The following ADGRL3 variants were observed in gnomAD, a reference collection of about 807,000 sequenced individuals.
ADGRL3 encodes calcium-independent alpha-latrotoxin receptor 3.
In ADGRL3, 62 loss-of-function variants were observed where a neutral mutation model predicts 153.5. The ratio of observed to expected loss-of-function variants is 0.40; its 90% CI spans 0.33 to 0.50. ADGRL3 has a LOEUF of 0.50. Among genes scored for constraint, ADGRL3 ranks in the 20% least tolerant of loss-of-function variants. The pLI is 0.47. For synonymous variants in ADGRL3, 710 were observed against 672.5 expected (o/e 1.06, Z -0.86); for missense variants, 1,641 against 1,859.4 (o/e 0.88, Z 2.16).
intron 2 of ADGRL3, among the ~76,000 whole-genome samples, chr4:61,493,442 C>T (rs1207514393): frequency 6.6e-6 from 1 of 152,140 alleles, no homozygotes; most frequent in Non-Finnish European, 1.5e-5. Context: ...AATGTACTTC[C>T]TTATTCTTTC....
intron 4 of ADGRL3, among the ~76,000 whole-genome samples, chr4:61,525,912 T>C (rs2098555990): frequency 6.6e-6 from 1 of 152,118 alleles, no homozygotes; most frequent in Non-Finnish European, 1.5e-5. Flanking sequence ...TGTGAATCTT[T>C]GTCAAGAGAA....
In ADGRL3 at chr4:61,887,899, C is replaced by CAA. The variant is rs2098548716; in HGVS notation, c.1481-4756_1481-4755dup. Among the ~76,000 whole-genome samples, 9 of 152,064 alleles carry CAA rather than the reference C, an allele frequency of 5.9e-5. 1 individual carries two copies. In the South Asian group the frequency reaches 1.9e-3, roughly 32 times the overall value. On this transcript the variant is annotated intron_variant, in intron 9 of 26. Transcript: ENST00000683033. The stretch of plus-strand genomic sequence containing the variant: ...TAATTGCAAAATGTAAAGAACTTTA[C>CAA]AAGTATTTATTTTCACTGTTTTCTA...
intron 3 of ADGRL3, among the ~76,000 whole-genome samples, chr4:61,506,063 G>A (rs1220936943): frequency 6.6e-6 from 1 of 152,026 alleles, no homozygotes; most frequent in Non-Finnish European, 1.5e-5. Context: ...ATTAAATGGA[G>A]TAGAAAGATC....
chr4:61,289,064 A>G (rs960381073), intron 1 of ADGRL3, among the ~76,000 whole-genome samples: 5 of 152,084 alleles, frequency 3.3e-5, no homozygotes, highest in African/African-American at 1.2e-4. Context: ...AGTTAACGCA[A>G]TATAGAGGTT....
intron 1 of ADGRL3, among the ~76,000 whole-genome samples, chr4:61,258,990 C>T (rs2092269608): frequency 6.6e-6 from 1 of 152,156 alleles, no homozygotes; most frequent in East Asian, 1.9e-4. Flanking sequence ...AATTTTAAAG[C>T]ATTCCCAAAT....
intron 8 of ADGRL3, among the ~76,000 whole-genome samples, chr4:61,751,465 T>C (rs2096755843): frequency 6.6e-6 from 1 of 152,136 alleles, no homozygotes; most frequent in South Asian, 2.1e-4. Flanking sequence ...GGAACCCTTT[T>C]CGTAAGTGTA....
intron 2 of ADGRL3, among the ~76,000 whole-genome samples, chr4:61,455,358 G>T (rs898944579): frequency 4.6e-5 from 7 of 152,152 alleles, no homozygotes; most frequent in African/African-American, 1.4e-4. Flanking sequence ...TGTGACAAAG[G>T]TTATAGTTGA....
intron 8 of ADGRL3, among the ~76,000 whole-genome samples, chr4:61,755,172 T>C (rs1476439961): frequency 6.6e-6 from 1 of 152,198 alleles, no homozygotes; most frequent in Admixed American, 6.5e-5. Flanking sequence ...TTTCTAGTTC[T>C]AGATCCCTGA....
chr4:61,651,617 GT>G (rs572302103), intron 5 of ADGRL3, among the ~76,000 whole-genome samples: 2 of 149,532 alleles, frequency 1.3e-5, no homozygotes, highest in East Asian at 2.0e-4. Flanking sequence ...TTTTGTTTCT[GT>G]TTTTTTTTGA....
At chr4:61,929,792 C>T (rs562628807) in intron 13 of ADGRL3, among the ~76,000 whole-genome samples, 6 of 152,126 alleles carry the variant, frequency 3.9e-5, no homozygotes, top group Admixed American at 1.3e-4. Flanking sequence ...GGGGATTCCC[C>T]TCCCCGCCCC....
chr4:61,532,161 C>A (rs978343924), intron 4 of ADGRL3, among the ~76,000 whole-genome samples: 3 of 152,162 alleles, frequency 2.0e-5, no homozygotes, highest in Non-Finnish European at 1.5e-5. Context: ...CCAGTTTATA[C>A]TGCATGTGAG....
intron 8 of ADGRL3, among the ~76,000 whole-genome samples, chr4:61,799,571 T>TA (rs2097463320): frequency 6.6e-6 from 1 of 152,136 alleles, no homozygotes; most frequent in African/African-American, 2.4e-5. Context: ...TATCTATCAA[T>TA]AGCCCTATGT....
chr4:61,250,588 C>A (rs1020361035), intron 1 of ADGRL3, among the ~76,000 whole-genome samples: 4 of 152,082 alleles, frequency 2.6e-5, no homozygotes, highest in Non-Finnish European at 5.9e-5. Context: ...CTAAGAATTG[C>A]CAGTTATTCA....
chr4:61,475,821 A>T (rs1362003860), intron 2 of ADGRL3, among the ~76,000 whole-genome samples: 2 of 152,202 alleles, frequency 1.3e-5, no homozygotes. Flanking sequence ...TGAAACCTGT[A>T]GACGTTCTCT....
chr4:61,829,402 T>A (rs1392155374), intron 9 of ADGRL3, among the ~76,000 whole-genome samples: 3 of 152,152 alleles, frequency 2.0e-5, no homozygotes, highest in African/African-American at 7.2e-5. Flanking sequence ...AAACATAAGA[T>A]GTTTTGTTTT....
intron 1 of ADGRL3, among the ~76,000 whole-genome samples, chr4:61,345,067 G>C (rs1257754264): frequency 6.6e-6 from 1 of 151,652 alleles, no homozygotes; most frequent in Non-Finnish European, 1.5e-5. Flanking sequence ...CAAAGTGCTG[G>C]GATTACAGGC....
At chr4:61,412,259 A>C (rs2097096469) in intron 2 of ADGRL3, among the ~76,000 whole-genome samples, 1 of 152,040 alleles carries the variant, frequency 6.6e-6, no homozygotes, top group Admixed American at 6.6e-5. Context: ...TTTTTTAATA[A>C]ATTTTTTTCA....
intron 1 of ADGRL3, among the ~76,000 whole-genome samples, chr4:61,234,865 GT>G (rs1181231151): frequency 4.6e-5 from 7 of 152,154 alleles, no homozygotes; most frequent in African/African-American, 1.7e-4. Context: ...GGTTTTGGCA[GT>G]GTGCAAATAA....
chr4:61,685,819 T>G (rs2095432171), intron 6 of ADGRL3, among the ~76,000 whole-genome samples: 3 of 152,108 alleles, frequency 2.0e-5, no homozygotes, highest in African/African-American at 7.2e-5. Context: ...GACCTTCTCT[T>G]TCTAATATAT....
Sources: gnomAD v4.1 joint callset for allele counts (sites outside exome capture counted in the v4.1 genomes callset) on GRCh38, gnomAD v4.1.1 for gene constraint, MANE v1.5 for transcripts, NCBI Gene and HGNC (gene_info 2026-07-23, HGNC 2026-07-21) for gene names.